Variants in ARHGAP21 observed in about 807,000 individuals in gnomAD.
ARHGAP21 encodes rho GTPase-activating protein 21.
A neutral mutation model predicts 164.6 loss-of-function variants in ARHGAP21; 38 were observed. That is an observed-to-expected ratio of 0.23 (90% confidence interval 0.18 to 0.30). The LOEUF (loss-of-function observed/expected upper bound fraction) is 0.30, where lower values mean the gene tolerates loss of function less well. ARHGAP21 is among the 10% of genes least tolerant of loss of function. The pLI is 1.00. For missense variants in ARHGAP21, 1,822 were observed against 2,370.7 expected (o/e 0.77, Z 4.81); for synonymous variants, 766 against 857.9 (o/e 0.89, Z 1.87).
intron 4 of ARHGAP21, among the ~76,000 whole-genome samples, chr10:24,657,118 T>G (rs1351674824): frequency 3.1e-4 from 5 of 16,306 alleles, no homozygotes; most frequent in Admixed American, 5.4e-4. Flanking sequence ...GGGAGGGAGG[T>G]GGGGGGGGTC....
intron 11 of ARHGAP21, among the ~76,000 whole-genome samples, chr10:24,607,053 TAAA>T (rs759420650): frequency 3.9e-5 from 6 of 152,130 alleles, no homozygotes; most frequent in Admixed American, 3.9e-4. Context: ...AATGGAAAAT[TAAA>T]AAATCATGAA....
chr10:24,586,900 C>T (rs2130699271), intron 25 of ARHGAP21, among the ~76,000 whole-genome samples: 1 of 152,116 alleles, frequency 6.6e-6, no homozygotes, highest in Middle Eastern at 3.4e-3. Context: ...ATTAAGTGGG[C>T]ATGGTGGCAC....
chr10:24,652,843 G>T (rs1416900013), intron 4 of ARHGAP21, among the ~76,000 whole-genome samples: 1 of 152,140 alleles, frequency 6.6e-6, no homozygotes, highest in Non-Finnish European at 1.5e-5. Context: ...GGTCCCCTCA[G>T]AAAACTGTTT....
intron 2 of ARHGAP21, among the ~76,000 whole-genome samples, chr10:24,684,619 T>C (rs1300497377): frequency 2.6e-5 from 4 of 152,104 alleles, no homozygotes; most frequent in African/African-American, 9.6e-5. Flanking sequence ...TAGGAATGGG[T>C]TTTTTAATTT....
At chr10:24,705,958 A>G (rs1190466531) in intron 2 of ARHGAP21, among the ~76,000 whole-genome samples, 1 of 152,234 alleles carries the variant, frequency 6.6e-6, no homozygotes, top group Non-Finnish European at 1.5e-5. Flanking sequence ...AGGGAAGAAC[A>G]CTCAAAAGCA....
chr10:24,619,384 T>G, intron 9 of ARHGAP21, 89 bp downstream of exon 9: 1 of 1,293,044 alleles, frequency 7.7e-7, no homozygotes, highest in Admixed American at 2.2e-5. Flanking sequence ...AGTGTAAGAC[T>G]TCTATGCCTA....
At position 24,620,322 on chromosome 10, in the gene ARHGAP21, T is replaced by C. The variant is rs2131180518; in HGVS notation, c.1573A>G (p.Thr525Ala). ...IPDSNGEKKQ[T>A]YKWSGFTEQD... ...TCAGTAAACCCACTCCACTTGTAAG[T>C]CTGTTTTTTCTCTCCATTGGAATCA... The change falls in exon 9 of 26, where the codon ACT (threonine) becomes GCT (alanine). Residue 525 changes from threonine (T) to alanine (A), a missense_variant. Around this residue, in one of 5 missense-constraint regions of ARHGAP21, gnomAD observed 1,090 missense variants for 1,378.9 expected, o/e 0.79. Transcript: ENST00000396432. The C allele has an allele frequency of 6.2e-7, 1 of 1,613,948 alleles. No individual in the cohort carries two copies. The highest frequency in any genetic ancestry group is 1.1e-5 in the South Asian group (1 of 91,074).
intron 6 of ARHGAP21, among the ~76,000 whole-genome samples, chr10:24,630,446 T>G (rs966534446): frequency 6.6e-6 from 1 of 152,202 alleles, no homozygotes; most frequent in Non-Finnish European, 1.5e-5. Context: ...ATATATTCTG[T>G]TCAAGTTAAA....
At chr10:24,598,355 G>A (rs572151833) in intron 14 of ARHGAP21, among the ~76,000 whole-genome samples, 196 of 152,290 alleles carry the variant, frequency 1.3e-3, no homozygotes, top group African/African-American at 4.6e-3. Flanking sequence ...AGAATGATCA[G>A]CATTTAAGAA....
At chr10:24,669,105 T>C (rs549394144) in intron 3 of ARHGAP21, among the ~76,000 whole-genome samples, 1 of 152,216 alleles carries the variant, frequency 6.6e-6, no homozygotes, top group South Asian at 2.1e-4. Context: ...AAGGTAGCAA[T>C]TATTTACAAT....
At chr10:24,688,183 A>G (rs1019354041) in intron 2 of ARHGAP21, among the ~76,000 whole-genome samples, 2 of 152,136 alleles carry the variant, frequency 1.3e-5, no homozygotes, top group African/African-American at 4.8e-5. Flanking sequence ...CTGAGGTCAG[A>G]AGTTCGAGGC....
intron 12 of ARHGAP21, among the ~76,000 whole-genome samples, 187 bp from the exon 13 acceptor site, chr10:24,602,290 C>A (rs999533039): frequency 6.6e-6 from 1 of 151,962 alleles, no homozygotes; most frequent in African/African-American, 2.4e-5. Flanking sequence ...CATTTTTTAA[C>A]CATTAAAAAT....
At chr10:24,680,178 G>A (rs1156963255) in intron 2 of ARHGAP21, among the ~76,000 whole-genome samples, 1 of 152,084 alleles carries the variant, frequency 6.6e-6, no homozygotes, top group East Asian at 1.9e-4. Flanking sequence ...TCCTGAATTC[G>A]ATGCTAGAAT....
chr10:24,611,187 C>G (rs1370025247), intron 9 of ARHGAP21, among the ~76,000 whole-genome samples: 1 of 152,196 alleles, frequency 6.6e-6, no homozygotes. Context: ...CCCTCTCAAT[C>G]CACAGAGACT....
At chr10:24,608,683 T>C (rs2077133129) in intron 9 of ARHGAP21, among the ~76,000 whole-genome samples, 1 of 152,192 alleles carries the variant, frequency 6.6e-6, no homozygotes, top group Non-Finnish European at 1.5e-5. Flanking sequence ...TCAAGAGGAC[T>C]GATAATGTTA....
chr10:24,682,647 T>C (rs1166123167), intron 2 of ARHGAP21, among the ~76,000 whole-genome samples: 3 of 152,130 alleles, frequency 2.0e-5, no homozygotes, highest in Non-Finnish European at 2.9e-5. Flanking sequence ...GCTTGATAAC[T>C]TCACAAGCAG....
intron 2 of ARHGAP21, among the ~76,000 whole-genome samples, chr10:24,686,760 C>CGGCA (rs1185158219): frequency 6.6e-6 from 1 of 152,166 alleles, no homozygotes; most frequent in Non-Finnish European, 1.5e-5. Flanking sequence ...CAATATTGGG[C>CGGCA]GGCACATCCC....
chr10:24,593,366 C>CT (rs2076422357), intron 21 of ARHGAP21, among the ~76,000 whole-genome samples: 1 of 152,140 alleles, frequency 6.6e-6, no homozygotes. Flanking sequence ...TGTGCTGGTG[C>CT]TGGTGGCTCA....
At chr10:24,715,888 A>C (rs542088685) in intron 2 of ARHGAP21, among the ~76,000 whole-genome samples, 9 of 152,298 alleles carry the variant, frequency 5.9e-5, no homozygotes, top group African/African-American at 2.2e-4. Context: ...ACACGCCTGT[A>C]ATCCCAGCTA....
Sources: allele counts gnomAD v4.1 joint callset (sites outside exome capture counted in the v4.1 genomes callset), GRCh38; gene constraint gnomAD v4.1.1; regional missense constraint gnomAD v4.1.1; transcripts MANE v1.5; gene names NCBI Gene and HGNC (gene_info 2026-07-23, HGNC 2026-07-21).